The following FAM47E variants were observed in gnomAD, a reference collection of about 807,000 sequenced individuals.
The protein encoded by FAM47E is family with sequence similarity 47 member E.
A neutral mutation model predicts 41.6 loss-of-function variants in FAM47E; 32 were observed. The ratio of observed to expected loss-of-function variants is 0.77; its 90% CI spans 0.58 to 1.03. The LOEUF (loss-of-function observed/expected upper bound fraction) is 1.03, where lower values mean the gene tolerates loss of function less well. Among genes scored for constraint, FAM47E ranks in the 50% least tolerant of loss-of-function variants. The pLI, the probability that FAM47E is intolerant of heterozygous loss-of-function variation, is 0.00. For missense variants in FAM47E, 424 were observed against 485.4 expected (o/e 0.87, Z 1.19); for synonymous variants, 184 against 188.7 (o/e 0.98, Z 0.20).
chr4:76,280,105 A>G (rs1735283437), intron 6 of FAM47E, 159 bp from the exon 7 acceptor site: 2 of 500,652 alleles, frequency 4.0e-6, no homozygotes, highest in Non-Finnish European at 3.5e-6. Flanking sequence ...AAGCCTTCAT[A>G]TTCATCAACT....
At chr4:76,235,770 C>T (rs1177566113) in intron 2 of FAM47E, among the ~76,000 whole-genome samples, 1 of 152,216 alleles carries the variant, frequency 6.6e-6, no homozygotes, top group African/African-American at 2.4e-5. Context: ...TTTCAGAAAT[C>T]CTCTGCATTG....
At chr4:76,228,922 A>G (rs1019184426) in intron 2 of FAM47E, among the ~76,000 whole-genome samples, 18 of 32,202 alleles carry the variant, frequency 5.6e-4, no homozygotes, top group Admixed American at 2.1e-3. Context: ...AAATCCCTCA[A>G]ATAAATTTCC....
chr4:76,214,279 CAGCA>C (rs1218500994), exon 1 of FAM47E: 1 of 456,064 alleles, frequency 2.2e-6, no homozygotes, highest in Non-Finnish European at 4.4e-6. Flanking sequence ...GAGATCATGC[CAGCA>C]AGCATGTTCT....
intron 2 of FAM47E, 54 bp from the exon 3 acceptor site, chr4:76,263,650 A>C: frequency 2.6e-6 from 4 of 1,526,444 alleles, no homozygotes; most frequent in Non-Finnish European, 3.5e-6. Flanking sequence ...TAGAATGGGG[A>C]CTCCCTTCTT....
intron 2 of FAM47E, among the ~76,000 whole-genome samples, chr4:76,259,863 A>G (rs1200539770): frequency 6.6e-6 from 1 of 151,554 alleles, no homozygotes; most frequent in Non-Finnish European, 1.5e-5. Context: ...GACTTCAGTA[A>G]AGTTTCAGAA....
At chr4:76,250,922 T>C (rs925739200), upstream of FAM47E, among the ~76,000 whole-genome samples, 4 of 152,102 alleles carry the variant, frequency 2.6e-5, no homozygotes, top group African/African-American at 4.8e-5. Context: ...TCATCGAATA[T>C]CCCCAATAAC....
chr4:76,238,505 T>C (rs1489291491), intron 2 of FAM47E, among the ~76,000 whole-genome samples: 2 of 152,172 alleles, frequency 1.3e-5, no homozygotes, highest in African/African-American at 2.4e-5. Flanking sequence ...GAACTAGCAG[T>C]AGGCAGAATT....
At chr4:76,230,591 A>C (rs1733475350) in intron 2 of FAM47E, among the ~76,000 whole-genome samples, 1 of 152,174 alleles carries the variant, frequency 6.6e-6, no homozygotes, top group African/African-American at 2.4e-5. Context: ...TAAAATTATT[A>C]TAAAGTTCAG....
chr4:76,274,407 TA>T (rs1735014181), intron 5 of FAM47E, among the ~76,000 whole-genome samples: 1 of 129,476 alleles, frequency 7.7e-6, no homozygotes, highest in Non-Finnish European at 1.8e-5. Context: ...CCCCAGTCTC[TA>T]CAAAAAAAAA....
rs904493473 is a variant in FAM47E at position 76,278,181 on chromosome 4, A to T, written c.983A>T (p.His328Leu). The change falls in exon 6 of 8, where the codon CAT (histidine) becomes CTT (leucine). Residue 328 changes from histidine to leucine, a missense_variant. Coordinates refer to ENST00000424749, the MANE Select transcript of FAM47E (RefSeq NM_001136570.3). ...CCTCTGGTTGACCCTGAGGTCTCAC[A>T]TAAGGCTCAAGAGGAGAATTTTAAA... ...DEPLVDPEVS[H>L]KAQEENFKKE... 3.9e-5 allele frequency: 60 copies of T among 1,548,220 alleles called. No individual in the cohort carries two copies. Among genetic ancestry groups the T allele is most frequent in the Non-Finnish European group, 5.1e-5 (59 of 1,146,264 alleles).
chr4:76,246,810 C>T (rs1184196121), upstream of FAM47E, among the ~76,000 whole-genome samples: 2 of 152,096 alleles, frequency 1.3e-5, no homozygotes, highest in African/African-American at 4.8e-5. Flanking sequence ...GCTTCTTTTG[C>T]TCAACATTAA....
At chr4:76,237,153 C>T (rs1226551626) in intron 2 of FAM47E, among the ~76,000 whole-genome samples, 1 of 151,996 alleles carries the variant, frequency 6.6e-6, no homozygotes, top group Non-Finnish European at 1.5e-5. Flanking sequence ...CCCCGGCCTC[C>T]CAAAGTGCTG....
chr4:76,249,689 C>A (rs1468084711), upstream of FAM47E, among the ~76,000 whole-genome samples: 1 of 151,802 alleles, frequency 6.6e-6, no homozygotes, highest in African/African-American at 2.4e-5. Flanking sequence ...ATCTCTTGTC[C>A]CCGTCCTATC....
At chr4:76,237,645 G>C (rs1209398888) in intron 2 of FAM47E, among the ~76,000 whole-genome samples, 1 of 152,106 alleles carries the variant, frequency 6.6e-6, no homozygotes, top group Non-Finnish European at 1.5e-5. Flanking sequence ...AATGGCTCAT[G>C]GTTCCACAGG....
At chr4:76,229,258 A>G (rs1015594485) in intron 2 of FAM47E, among the ~76,000 whole-genome samples, 1 of 151,838 alleles carries the variant, frequency 6.6e-6, no homozygotes, top group Non-Finnish European at 1.5e-5. Context: ...ATTGTTTTTT[A>G]AATTTCTTTA....
At chr4:76,270,916 AT>A (rs1309719043) in intron 4 of FAM47E, among the ~76,000 whole-genome samples, 1 of 151,804 alleles carries the variant, frequency 6.6e-6, no homozygotes, top group African/African-American at 2.4e-5. Flanking sequence ...TATGTCCCTG[AT>A]TCTGTTTCAT....
At chr4:76,234,789 T>G (rs1420259090) in intron 2 of FAM47E, among the ~76,000 whole-genome samples, 1 of 152,216 alleles carries the variant, frequency 6.6e-6, no homozygotes, top group Non-Finnish European at 1.5e-5. Context: ...GGTGTGTTCC[T>G]GTAGTTCTAG....
At chr4:76,236,812 G>A (rs762126393) in intron 2 of FAM47E, among the ~76,000 whole-genome samples, 5 of 151,964 alleles carry the variant, frequency 3.3e-5, no homozygotes, top group Non-Finnish European at 5.9e-5. Context: ...AAAGGATTGT[G>A]GAGACTAAAG....
chr4:76,218,357 A>G (rs7685696), intron 2 of FAM47E, among the ~76,000 whole-genome samples: 61,987 of 152,112 alleles, frequency 0.41, 14,356 homozygotes, highest in East Asian at 0.94. Context: ...CCATCATTCC[A>G]AAGTTCTTAC....
Sources: allele counts gnomAD v4.1 joint callset (sites outside exome capture counted in the v4.1 genomes callset), GRCh38; gene constraint gnomAD v4.1.1; transcripts MANE v1.5; gene names NCBI Gene and HGNC (gene_info 2026-07-23, HGNC 2026-07-21).